Variants in CHST8 observed in about 807,000 individuals in gnomAD.
CHST8 encodes carbohydrate sulfotransferase 8.
A neutral mutation model predicts 15.0 loss-of-function variants in CHST8; 10 were observed. That is an observed-to-expected ratio of 0.67 (90% confidence interval 0.41 to 1.13). The LOEUF (loss-of-function observed/expected upper bound fraction) is 1.13. Ranked by LOEUF, CHST8 falls within the 50% of genes most tolerant of loss-of-function variation. The pLI, the probability that CHST8 is intolerant of heterozygous loss-of-function variation, is 0.00. For missense variants in CHST8, 634 were observed against 608.2 expected, an observed-to-expected ratio of 1.04 and a Z score of -0.45; for synonymous variants, 259 against 256.6, an observed-to-expected ratio of 1.01 and a Z score of -0.09.
chr19:33,755,351 T>A (rs944893964), intron 3 of CHST8, among the ~76,000 whole-genome samples: 1 of 152,246 alleles, frequency 6.6e-6, no homozygotes. Flanking sequence ...GCATCCCCCA[T>A]GTGATTTATT....
intron 1 of CHST8, among the ~76,000 whole-genome samples, chr19:33,646,418 T>C (rs1325558386): frequency 6.6e-6 from 1 of 152,162 alleles, no homozygotes; most frequent in East Asian, 1.9e-4. Context: ...CACCAGCTGG[T>C]CCATGGGAAA....
At chr19:33,712,903 C>T (rs1439114098) in intron 3 of CHST8, among the ~76,000 whole-genome samples, 1 of 152,168 alleles carries the variant, frequency 6.6e-6, no homozygotes. Context: ...ACCATCTGTC[C>T]ATCTTCACTT....
rs73033191 is a variant in CHST8 at position 33,712,826 on chromosome 19, C to T, written c.130+23435C>T. Among the ~76,000 whole-genome samples, 209 of 152,236 alleles carry T rather than the reference C, an allele frequency of 1.4e-3. 1 individual carries two copies. The highest frequency in any genetic ancestry group is 2.3e-3 in the Admixed American group (35 of 15,286). On this transcript the variant is annotated intron_variant, in intron 3 of 4. Coordinates refer to ENST00000650847, the MANE Select transcript of CHST8 (RefSeq NM_001127895.2). ...CCACCCCCAACTTTGGTGCTGGGATCCCCTGCTCAGTGTCTGCCCTGATCA... is the reference window on the plus strand; with the variant it reads ...CCACCCCCAACTTTGGTGCTGGGATTCCCTGCTCAGTGTCTGCCCTGATCA...
chr19:33,750,430 C>T (rs948965819), intron 3 of CHST8, among the ~76,000 whole-genome samples: 6 of 152,138 alleles, frequency 3.9e-5, no homozygotes, highest in African/African-American at 7.2e-5. Flanking sequence ...GCCATCCATC[C>T]GGGAGGAGAA....
chr19:33,721,748 A>G (rs1973795497), intron 3 of CHST8, among the ~76,000 whole-genome samples: 1 of 151,832 alleles, frequency 6.6e-6, no homozygotes, highest in Non-Finnish European at 1.5e-5. Flanking sequence ...AAGGACGGAT[A>G]GATGGATGGA....
chr19:33,726,816 G>A (rs1973911647), intron 3 of CHST8, among the ~76,000 whole-genome samples: 1 of 152,096 alleles, frequency 6.6e-6, no homozygotes, highest in Admixed American at 6.5e-5. Flanking sequence ...CAAAGAAAGG[G>A]GCTGAGGGGA....
At chr19:33,644,459 G>A (rs1032632369) in intron 1 of CHST8, among the ~76,000 whole-genome samples, 5 of 152,154 alleles carry the variant, frequency 3.3e-5, no homozygotes, top group South Asian at 2.1e-4. Flanking sequence ...TGATGGCCGG[G>A]TGTGGTGGCT....
At position 33,711,986 on chromosome 19, in the gene CHST8, G is replaced by A. The variant is rs776563358; in HGVS notation, c.130+22595G>A. ...AATTTTGCCAGTGTGTAAGGACAGCGACAACGTGGAAGTTTAGACAGGAAA... is the reference window on the plus strand; with the variant it reads ...AATTTTGCCAGTGTGTAAGGACAGCAACAACGTGGAAGTTTAGACAGGAAA... On this transcript the variant is annotated intron_variant, in intron 3 of 4. Transcript: ENST00000650847. Among the ~76,000 whole-genome samples, 30 of 152,286 alleles carry A rather than the reference G, an allele frequency of 2.0e-4. No homozygotes were observed. In the East Asian group the frequency reaches 3.5e-3, roughly 18 times the overall value.
At chr19:33,709,794 T>C (rs1052350688) in intron 3 of CHST8, among the ~76,000 whole-genome samples, 1 of 152,220 alleles carries the variant, frequency 6.6e-6, no homozygotes, top group Non-Finnish European at 1.5e-5. Context: ...TAAATGTTTA[T>C]TAGAATTTAT....
At chr19:33,771,636 A>G (rs1158682488) in intron 4 of CHST8, among the ~76,000 whole-genome samples, 186 bp downstream of exon 4, 1 of 152,146 alleles carries the variant, frequency 6.6e-6, no homozygotes, top group Non-Finnish European at 1.5e-5. Context: ...TCCTTGTTAG[A>G]AGGCTTCTTT....
At chr19:33,727,720 C>A (rs771655569) in intron 3 of CHST8, among the ~76,000 whole-genome samples, 5 of 152,228 alleles carry the variant, frequency 3.3e-5, no homozygotes, top group Non-Finnish European at 5.9e-5. Context: ...TTTTAAAGTT[C>A]AGCAGTAATT....
At chr19:33,747,254 G>A (rs992596914) in intron 3 of CHST8, among the ~76,000 whole-genome samples, 2 of 152,160 alleles carry the variant, frequency 1.3e-5, no homozygotes, top group Non-Finnish European at 2.9e-5. Flanking sequence ...GCGGGCAGGT[G>A]CGCCCTTCCC....
At chr19:33,769,009 T>C (rs1174106565) in intron 3 of CHST8, among the ~76,000 whole-genome samples, 1 of 152,160 alleles carries the variant, frequency 6.6e-6, no homozygotes, top group African/African-American at 2.4e-5. Flanking sequence ...AGAAGGAACT[T>C]TTCCTCTAGT....
chr19:33,669,567 C>T (rs1972708724), intron 2 of CHST8, among the ~76,000 whole-genome samples: 1 of 152,316 alleles, frequency 6.6e-6, no homozygotes, highest in South Asian at 2.1e-4. Context: ...TGAAGCACCT[C>T]GTCAGGATCC....
chr19:33,713,833 C>T, intron 3 of CHST8, among the ~76,000 whole-genome samples: 1 of 152,104 alleles, frequency 6.6e-6, no homozygotes, highest in Admixed American at 6.5e-5. Flanking sequence ...GTTGGAATTA[C>T]AGGCGTTGAG....
chr19:33,761,489 T>G (rs1974727350), intron 3 of CHST8, among the ~76,000 whole-genome samples: 2 of 151,964 alleles, frequency 1.3e-5, no homozygotes, highest in Non-Finnish European at 2.9e-5. Context: ...ACCACCACAC[T>G]GGCCAATTTT....
chr19:33,659,284 C>T (rs931493421), intron 1 of CHST8, among the ~76,000 whole-genome samples: 9 of 151,936 alleles, frequency 5.9e-5, no homozygotes, highest in Admixed American at 1.3e-4. Flanking sequence ...AGGCTGATTT[C>T]GAACTCCTAA....
chr19:33,690,621 G>A (rs1404395850), intron 3 of CHST8, among the ~76,000 whole-genome samples: 1 of 152,188 alleles, frequency 6.6e-6, no homozygotes, highest in East Asian at 1.9e-4. Context: ...GAGATGGTGG[G>A]CGAGTCATCG....
At chr19:33,720,509 C>T (rs578098393) in intron 3 of CHST8, among the ~76,000 whole-genome samples, 4 of 152,160 alleles carry the variant, frequency 2.6e-5, no homozygotes, top group Admixed American at 2.6e-4. Flanking sequence ...ACCACATATG[C>T]TTGCCACACA....
Sources: gnomAD v4.1 joint callset for allele counts (sites outside exome capture counted in the v4.1 genomes callset) on GRCh38, gnomAD v4.1.1 for gene constraint, MANE v1.5 for transcripts, NCBI Gene and HGNC (gene_info 2026-07-23, HGNC 2026-07-21) for gene names.